LRRC49: variants seen among roughly 807,000 people sequenced by gnomAD.
LRRC49 encodes the protein leucine-rich repeat-containing protein 49.
Under a neutral mutation model 83.3 loss-of-function variants are expected in LRRC49, and 50 were observed. The observed-to-expected ratio is 0.60, with a 90% CI of 0.48 to 0.76. LRRC49 has a LOEUF of 0.76. LRRC49 is among the 30% of genes least tolerant of loss of function. The pLI is 0.00. For synonymous variants in LRRC49, 286 were observed against 283.3 expected, an observed-to-expected ratio of 1.01 and a Z score of -0.10; for missense variants, 704 against 809.1, an observed-to-expected ratio of 0.87 and a Z score of 1.58.
chr15:71,013,705 T>C (rs1596139920), intron 14 of LRRC49, among the ~76,000 whole-genome samples: 2 of 152,240 alleles, frequency 1.3e-5, no homozygotes, highest in African/African-American at 4.8e-5. Flanking sequence ...CAAGTCACTC[T>C]GGTTAGAGTA....
rs1369860997 is a variant in LRRC49, at chr15:70,956,509, A to AC, written c.774-7276_774-7275insC. ...GTTCTTAAACCCTCTGCCAAAAAAAAAAAAAAAAGGTGGGGTGGCGAGAGA... is the reference window on the plus strand; with the variant it reads ...GTTCTTAAACCCTCTGCCAAAAAAAACAAAAAAAAGGTGGGGTGGCGAGAGA... On this transcript the variant is annotated intron_variant, in intron 8 of 15. Coordinates refer to ENST00000260382, the MANE Select transcript of LRRC49 (RefSeq NM_017691.5). Among the ~76,000 whole-genome samples the AC allele has an allele frequency of 6.6e-5, 10 of 152,060 alleles. No homozygotes were observed. The East Asian group carries it at 1.9e-3, about 29-fold the overall frequency.
chr15:71,015,149 C>T (rs2038784022), intron 14 of LRRC49, among the ~76,000 whole-genome samples: 1 of 152,052 alleles, frequency 6.6e-6, no homozygotes, highest in Admixed American at 6.6e-5. Context: ...TGGACACAAG[C>T]TTCCAGAAAA....
chr15:70,882,496 A>G (rs780057860), intron 2 of LRRC49: 16 of 1,613,604 alleles, frequency 9.9e-6, no homozygotes, highest in Non-Finnish European at 1.4e-5. Context: ...TATAAGACAA[A>G]TCACTCTGTT....
intron 1 of LRRC49, among the ~76,000 whole-genome samples, chr15:70,854,867 A>G (rs1037721344): frequency 4.6e-5 from 7 of 152,216 alleles, no homozygotes; most frequent in Non-Finnish European, 8.8e-5. Flanking sequence ...CCGATGGCCT[A>G]TAGAGTATGC....
intron 15 of LRRC49, among the ~76,000 whole-genome samples, chr15:71,042,644 G>C (rs1476126676): frequency 6.6e-6 from 1 of 152,160 alleles, no homozygotes; most frequent in Non-Finnish European, 1.5e-5. Flanking sequence ...CATACATCCT[G>C]AGTTGTTGAG....
chr15:70,963,142 G>A (rs906667351), intron 8 of LRRC49, among the ~76,000 whole-genome samples: 3 of 151,700 alleles, frequency 2.0e-5, no homozygotes, highest in African/African-American at 7.3e-5. Flanking sequence ...CAGGCATGAT[G>A]GTACATACCT....
At chr15:71,001,760 C>T (rs1023897137) in intron 11 of LRRC49, among the ~76,000 whole-genome samples, 6 of 152,006 alleles carry the variant, frequency 3.9e-5, no homozygotes, top group East Asian at 1.9e-4. Context: ...GGCACAATCT[C>T]GGCTCACTGC....
chr15:70,904,476 A>T lies in LRRC49; in HGVS notation c.297-76A>T, dbSNP rs1482408675. 3.1e-5 allele frequency: 30 copies of T among 977,512 alleles called. 1 individual carries two copies. The highest frequency in any genetic ancestry group is 9.5e-6 in the Non-Finnish European group (6 of 634,344). 60.6% of individuals were successfully genotyped at this position (977,512 alleles called of 1,614,324 possible). A position where few individuals can be genotyped will look rare whatever the true frequency, so the allele number is the denominator to read the frequency against. ...CTCCTCACAGAATGGGAGCACAAAGATACTACTAATAATATTTGTAAGAAG... is the reference window on the plus strand; with the variant it reads ...CTCCTCACAGAATGGGAGCACAAAGTTACTACTAATAATATTTGTAAGAAG... On this transcript the variant is annotated intron_variant, in intron 4 of 15. Transcript: ENST00000260382.
chr15:71,014,391 A>T (rs1176449037), intron 14 of LRRC49, among the ~76,000 whole-genome samples: 1 of 152,136 alleles, frequency 6.6e-6, no homozygotes, highest in Non-Finnish European at 1.5e-5. Flanking sequence ...AAGGGTTTTC[A>T]TAGAAAAAGA....
intron 14 of LRRC49, among the ~76,000 whole-genome samples, chr15:71,024,163 T>C (rs538733422): frequency 6.6e-6 from 1 of 152,334 alleles, no homozygotes; most frequent in South Asian, 2.1e-4. Context: ...GATCAGCCGA[T>C]TTAGTCTTTC....
intron 9 of LRRC49, among the ~76,000 whole-genome samples, chr15:70,973,080 T>G (rs954482658): frequency 2.6e-5 from 4 of 152,170 alleles, no homozygotes; most frequent in African/African-American, 9.7e-5. Flanking sequence ...TTTTTGGAAT[T>G]TTCAACCTTT....
At chr15:70,965,775 C>T (rs1375417717) in intron 9 of LRRC49, among the ~76,000 whole-genome samples, 1 of 151,896 alleles carries the variant, frequency 6.6e-6, no homozygotes, top group Non-Finnish European at 1.5e-5. Flanking sequence ...TCTCTTTTTC[C>T]CTTTGTAATC....
chr15:70,941,442 C>T (rs2035810160), intron 8 of LRRC49, among the ~76,000 whole-genome samples: 1 of 150,046 alleles, frequency 6.7e-6, no homozygotes, highest in African/African-American at 2.5e-5. Context: ...CGATTTTCCA[C>T]AAGCCTTGCA....
chr15:70,930,880 A>C (rs1235512954), intron 7 of LRRC49, among the ~76,000 whole-genome samples: 1 of 152,186 alleles, frequency 6.6e-6, no homozygotes, highest in African/African-American at 2.4e-5. Context: ...AATTGTTGAG[A>C]GTTAAGGCCT....
intron 3 of LRRC49, 119 bp from the exon 4 acceptor site, chr15:70,900,803 A>G: frequency 1.5e-6 from 1 of 658,112 alleles, no homozygotes; most frequent in Non-Finnish European, 2.7e-6. Flanking sequence ...AGAGCTATGG[A>G]AACTATACTT....
At chr15:71,025,787 G>A (rs2039149689) in intron 14 of LRRC49, among the ~76,000 whole-genome samples, 1 of 150,780 alleles carries the variant, frequency 6.6e-6, no homozygotes, top group Non-Finnish European at 1.5e-5. Context: ...AGACAGAGAA[G>A]GGCATTACAT....
chr15:70,904,906 A>C, intron 5 of LRRC49, 151 bp downstream of exon 5: 3 of 575,220 alleles, frequency 5.2e-6, no homozygotes, highest in Non-Finnish European at 9.2e-6. Context: ...AGATCCAGTC[A>C]TAATTTGTTT....
upstream of LRRC49, among the ~76,000 whole-genome samples, chr15:70,889,373 A>C (rs2141090643): frequency 6.6e-6 from 1 of 152,244 alleles, no homozygotes; most frequent in African/African-American, 2.4e-5. Flanking sequence ...CCCCCAAAAA[A>C]AAGCAAACTT....
intron 8 of LRRC49, among the ~76,000 whole-genome samples, chr15:70,945,198 C>G (rs1429143933): frequency 6.6e-6 from 1 of 152,222 alleles, no homozygotes; most frequent in Non-Finnish European, 1.5e-5. Context: ...TGTTCTGTCT[C>G]TAGCTCCACT....
Sources: allele counts gnomAD v4.1 joint callset (sites outside exome capture counted in the v4.1 genomes callset), GRCh38; gene constraint gnomAD v4.1.1; transcripts MANE v1.5; gene names NCBI Gene and HGNC (gene_info 2026-07-23, HGNC 2026-07-21).